ANKRD30BL: variants seen among roughly 807,000 people sequenced by gnomAD.
The protein encoded by ANKRD30BL is putative ankyrin repeat domain-containing protein 30B-like.
Under a neutral mutation model 18.4 loss-of-function variants are expected in ANKRD30BL, and 20 were observed. The observed-to-expected ratio is 1.09, with a 90% CI of 0.77 to 1.58. The LOEUF (loss-of-function observed/expected upper bound fraction) is 1.58. Among genes scored for constraint, ANKRD30BL ranks in the 40% most tolerant of loss-of-function variants. The pLI is 0.00. For synonymous variants in ANKRD30BL, 72 were observed against 100.9 expected (o/e 0.71, Z 1.72); for missense variants, 224 against 268.6 (o/e 0.83, Z 1.16).
intron 1 of ANKRD30BL, among the ~76,000 whole-genome samples, chr2:132,220,535 C>T (rs1467177960): frequency 4.6e-5 from 7 of 151,986 alleles, no homozygotes; most frequent in East Asian, 3.9e-4. Flanking sequence ...GACTGGTTTT[C>T]GTTTTTTTTT....
intron 1 of ANKRD30BL, among the ~76,000 whole-genome samples, chr2:132,233,701 CT>C (rs1179313476): frequency 1.4e-5 from 2 of 147,306 alleles, no homozygotes; most frequent in Non-Finnish European, 3.0e-5. Context: ...CCTGAGTGAC[CT>C]ACAAAGAGAC....
chr2:132,164,950 T>C (rs1398554916), upstream of ANKRD30BL, among the ~76,000 whole-genome samples: 1 of 152,092 alleles, frequency 6.6e-6, no homozygotes, highest in Non-Finnish European at 1.5e-5. Context: ...GGCAGGCACC[T>C]GTAGTCCCAG....
At chr2:132,152,660 G>T (rs1252213820) in intron 4 of ANKRD30BL, 3 of 152,072 alleles carry the variant, frequency 2.0e-5, no homozygotes, top group Non-Finnish European at 2.9e-5. Context: ...GATATAAAGG[G>T]CCAGGGATAT....
chr2:132,167,275 TTTTTA>T (rs71001175), intron 1 of ANKRD30BL, among the ~76,000 whole-genome samples: 41,190 of 110,330 alleles, frequency 0.37, 8,725 homozygotes, highest in Non-Finnish European at 0.48. Context: ...CATTCATTTA[TTTTTA>T]TTTTATTTTA....
At chr2:132,165,448 C>T (rs1324649380), upstream of ANKRD30BL, among the ~76,000 whole-genome samples, 1 of 151,648 alleles carries the variant, frequency 6.6e-6, no homozygotes, top group South Asian at 2.1e-4. Flanking sequence ...AATCCTAGCA[C>T]TTTGGGAGGC....
intron 1 of ANKRD30BL, among the ~76,000 whole-genome samples, chr2:132,172,826 G>GT (rs769187079): frequency 1.1e-4 from 16 of 151,962 alleles, no homozygotes; most frequent in Non-Finnish European, 1.3e-4. Flanking sequence ...TTTTGCCTCA[G>GT]CCTCCCAAGT....
chr2:132,198,418 G>A (rs1169898657), intron 1 of ANKRD30BL, among the ~76,000 whole-genome samples: 2 of 147,718 alleles, frequency 1.4e-5, no homozygotes, highest in Admixed American at 6.7e-5. Flanking sequence ...CTGCCTCCCG[G>A]GTTCACACCA....
intron 1 of ANKRD30BL, among the ~76,000 whole-genome samples, chr2:132,225,094 G>T (rs562602808): frequency 2.4e-4 from 36 of 151,966 alleles, no homozygotes; most frequent in African/African-American, 8.4e-4. Flanking sequence ...TCTTTTAGTA[G>T]AATCTGCAAG....
At chr2:132,205,029 A>G (rs1280802086) in intron 1 of ANKRD30BL, among the ~76,000 whole-genome samples, 1 of 152,236 alleles carries the variant, frequency 6.6e-6, no homozygotes, top group East Asian at 1.9e-4. Context: ...GAGCATTGTT[A>G]TCCAAAGTGC....
Position 132,156,998 on chromosome 2 carries a change from C to G in ANKRD30BL, c.482G>C (p.Gly161Ala). ...CTTGTTCTTCACTTCGATGTCTGCA[C>G]CACAGGACAGCAATTTTGCCACCAC... ...LSVVAKLLSC[G>A]ADIEVKNKAG... The change falls in exon 3 of 6, where the codon GGT (glycine) becomes GCT (alanine). Residue 161 changes from glycine (G) to alanine (A), a missense_variant. Gly to Ala is a moderately conservative substitution (Grantham distance 60). Coordinates refer to ENST00000409867, the MANE Select transcript of ANKRD30BL (RefSeq NM_001358416.1). 1 of 1,287,710 alleles carries G rather than the reference C, an allele frequency of 7.8e-7. No individual in the cohort carries two copies. Among genetic ancestry groups the G allele is most frequent in the Non-Finnish European group, 1.1e-6 (1 of 914,324 alleles). The allele number at this position is 1,287,710 out of a possible 1,614,324, so 79.8% of individuals were successfully genotyped here.
rs753957398 is a variant in ANKRD30BL at position 132,161,750 on chromosome 2, G to A, written c.-45C>T. ...AGAGAGCCCGTGCCTCCCGCTGCTC[G>A]CCCTTCCCCAGTCCCCGCCGCTCGC... is the stretch of plus-strand genomic sequence containing the variant. On this transcript the variant is annotated 5_prime_UTR_variant, in exon 1 of 6. Coordinates refer to ENST00000409867, the MANE Select transcript of ANKRD30BL (RefSeq NM_001358416.1). The A allele has an allele frequency of 8.9e-6, 8 of 898,266 alleles. No individual in the cohort carries two copies. The East Asian group carries it at 1.3e-4, about 15-fold the overall frequency. The allele number at this position is 898,266 out of a possible 1,614,324, so 55.6% of individuals were successfully genotyped here.
At chr2:132,175,639 T>C (rs1196377161) in intron 1 of ANKRD30BL, among the ~76,000 whole-genome samples, 7 of 152,330 alleles carry the variant, frequency 4.6e-5, no homozygotes, top group Admixed American at 2.0e-4. Flanking sequence ...TCTCATCCCA[T>C]GAGGCCATAT....
chr2:132,202,272 C>A (rs1352823794), intron 1 of ANKRD30BL, among the ~76,000 whole-genome samples: 10 of 151,486 alleles, frequency 6.6e-5, no homozygotes, highest in Non-Finnish European at 1.5e-4. Flanking sequence ...GCACATGTAC[C>A]CTAAAACTTA....
At chr2:132,247,515 G>C (rs1680536601) in intron 1 of ANKRD30BL, among the ~76,000 whole-genome samples, 1 of 146,234 alleles carries the variant, frequency 6.8e-6, no homozygotes, top group South Asian at 2.2e-4. Flanking sequence ...GAAAAGAAAG[G>C]TTCAAATCCG....
At chr2:132,204,386 G>A (rs1418708038) in intron 1 of ANKRD30BL, among the ~76,000 whole-genome samples, 1 of 151,908 alleles carries the variant, frequency 6.6e-6, no homozygotes, top group Non-Finnish European at 1.5e-5. Flanking sequence ...GGGTGTGTGT[G>A]TATATAAATA....
Position 132,147,905 on chromosome 2 carries a change from G to T in ANKRD30BL, c.*226C>A. The T allele has an allele frequency of 2.0e-6, 1 of 497,108 alleles. No individual in the cohort carries two copies. The highest frequency in any genetic ancestry group is 3.8e-5 in the East Asian group (1 of 26,000). The allele number at this position is 497,108 out of a possible 1,614,324, so 30.8% of individuals were successfully genotyped here. A position where few individuals can be genotyped will look rare whatever the true frequency, so the allele number is the denominator to read the frequency against. On this transcript the variant is annotated 3_prime_UTR_variant, in exon 6 of 6. Transcript: ENST00000409867. ...ACTAAGAATGACTAAAGACAAAGCA[G>T]GTGTTAGAGGCTAGAAGGGGGCTGT...
chr2:132,234,978 C>A (rs1200303213), intron 1 of ANKRD30BL, among the ~76,000 whole-genome samples: 1 of 152,140 alleles, frequency 6.6e-6, no homozygotes, highest in Non-Finnish European at 1.5e-5. Flanking sequence ...CATCAAAAAG[C>A]TTATCCACCA....
chr2:132,221,969 G>T (rs1338263708), intron 1 of ANKRD30BL, among the ~76,000 whole-genome samples: 1 of 129,760 alleles, frequency 7.7e-6, no homozygotes, highest in African/African-American at 3.2e-5. Flanking sequence ...GGTGAGGGGC[G>T]CCTCTGCCTG....
intron 1 of ANKRD30BL, among the ~76,000 whole-genome samples, chr2:132,219,038 G>A (rs1206996186): frequency 6.6e-6 from 1 of 152,104 alleles, no homozygotes; most frequent in Non-Finnish European, 1.5e-5. Flanking sequence ...TCAACTCACA[G>A]AGTTGAACCT....
Sources: gnomAD v4.1 joint callset for allele counts (sites outside exome capture counted in the v4.1 genomes callset) on GRCh38, gnomAD v4.1.1 for gene constraint, MANE v1.5 for transcripts, NCBI Gene and HGNC (gene_info 2026-07-23, HGNC 2026-07-21) for gene names.